USP22: variants seen among roughly 807,000 people sequenced by gnomAD.
The protein encoded by USP22 is ubiquitin specific peptidase 22, also known as ubiquitin carboxyl-terminal hydrolase 22.
In USP22, 22 loss-of-function variants were observed where a neutral mutation model predicts 68.1. The observed-to-expected ratio is 0.32, with a 90% CI of 0.23 to 0.46. The LOEUF (loss-of-function observed/expected upper bound fraction) is 0.46. Ranked by LOEUF, USP22 falls within the 20% of genes least tolerant of loss-of-function variation. The probability of loss-of-function intolerance (pLI) is 1.00; values close to 1 mark genes in which losing one functional copy is unlikely to be tolerated. For missense variants in USP22, 433 were observed against 695.8 expected (o/e 0.62, Z 4.25); for synonymous variants, 279 against 274.2 (o/e 1.02, Z -0.17).
chr17:21,040,393 G>A (rs1453098194), intron 1 of USP22, among the ~76,000 whole-genome samples: 1 of 152,180 alleles, frequency 6.6e-6, no homozygotes, highest in Non-Finnish European at 1.5e-5. Context: ...CCCAGTCAGA[G>A]GAAAAAGCAT....
chr17:21,041,979 C>T (rs1972439234), intron 1 of USP22, among the ~76,000 whole-genome samples: 1 of 152,054 alleles, frequency 6.6e-6, no homozygotes, highest in Non-Finnish European at 1.5e-5. Flanking sequence ...CCCCTGCCGC[C>T]CTCCACCTCC....
intron 1 of USP22, among the ~76,000 whole-genome samples, chr17:21,036,079 A>T (rs922864439): frequency 3.3e-5 from 5 of 151,168 alleles, no homozygotes; most frequent in African/African-American, 1.2e-4. Flanking sequence ...AATCCACTCA[A>T]TGGATACAAT....
At chr17:21,007,656 C>G (rs1913821256) in intron 9 of USP22, among the ~76,000 whole-genome samples, 1 of 152,184 alleles carries the variant, frequency 6.6e-6, no homozygotes, top group Non-Finnish European at 1.5e-5. Context: ...ATTCTACTTT[C>G]ACTGCGAAGC....
At chr17:21,019,928 TTC>T (rs1418654255) in intron 3 of USP22, among the ~76,000 whole-genome samples, 1 of 152,148 alleles carries the variant, frequency 6.6e-6, no homozygotes, top group Non-Finnish European at 1.5e-5. Flanking sequence ...GTTATTAAAT[TTC>T]TGAGAGGGAA....
intron 2 of USP22, among the ~76,000 whole-genome samples, chr17:21,022,933 T>C (rs996327982): frequency 6.6e-6 from 1 of 152,042 alleles, no homozygotes; most frequent in Non-Finnish European, 1.5e-5. Flanking sequence ...TCAACCTAAA[T>C]GCTCACCAAT....
At chr17:21,036,179 GAGATGGAGACGAGACC>G (rs1972353953) in intron 1 of USP22, among the ~76,000 whole-genome samples, 2 of 151,848 alleles carry the variant, frequency 1.3e-5, no homozygotes. Flanking sequence ...AAAAACCTCC[GAGATGGAGACGAGACC>G]AGTGGTTGTG....
chr17:21,018,955 G>A (rs984007), intron 4 of USP22, 129 bp downstream of exon 4: 290,898 of 930,700 alleles, frequency 0.31, 48,416 homozygotes, highest in African/African-American at 0.44. Context: ...TGGTTGCTGA[G>A]CACATTGATG....
At chr17:21,029,195 C>T (rs1413621067) in intron 1 of USP22, among the ~76,000 whole-genome samples, 1 of 152,148 alleles carries the variant, frequency 6.6e-6, no homozygotes, top group Non-Finnish European at 1.5e-5. Context: ...ATGTTAATCA[C>T]GGCAATGATG....
chr17:21,021,060 A>G lies in USP22; in HGVS notation c.418+53T>C. The stretch of plus-strand genomic sequence containing the variant: ...CTTTCTCCTACTGGGTCTGCCCTTG[A>G]TGGACATGAGGGAACTGCAGGATCA... On this transcript the variant is annotated intron_variant, in intron 3 of 12. Coordinates refer to ENST00000261497, the MANE Select transcript of USP22 (RefSeq NM_015276.2). 8.3e-6 allele frequency: 12 copies of G among 1,440,424 alleles called. No individual in the cohort carries two copies. The South Asian group carries it at 1.4e-4, about 17-fold the overall frequency. The allele number at this position is 1,440,424 out of a possible 1,614,324, so 89.2% of individuals were successfully genotyped here. A position where few individuals can be genotyped will look rare whatever the true frequency, so the allele number is the denominator to read the frequency against.
At chr17:21,019,612 G>C (rs2364329) in intron 3 of USP22, among the ~76,000 whole-genome samples, 113,097 of 151,726 alleles carry the variant, frequency 0.75, 42,609 homozygotes, top group South Asian at 0.82. Context: ...ACTCAGCGTC[G>C]AGTTACCAAA....
intron 12 of USP22, among the ~76,000 whole-genome samples, chr17:21,003,293 T>C (rs1913656118): frequency 6.6e-6 from 1 of 152,258 alleles, no homozygotes; most frequent in South Asian, 2.1e-4. Flanking sequence ...CACCCCCACC[T>C]GCCACGAGGT....
intron 5 of USP22, 104 bp downstream of exon 5, chr17:21,017,838 G>T: frequency 1.4e-6 from 2 of 1,395,392 alleles, no homozygotes; most frequent in Non-Finnish European, 9.8e-7. Flanking sequence ...ACTACAAAAG[G>T]TTCTAAATGT....
At chr17:21,036,201 T>C (rs73303698) in intron 1 of USP22, among the ~76,000 whole-genome samples, 35,037 of 150,288 alleles carry the variant, frequency 0.23, 4,756 homozygotes, top group Middle Eastern at 0.32. Flanking sequence ...AGACCAGTGG[T>C]TGTGGAGAGT....
At chr17:21,006,785 G>A (rs1157147872) in intron 10 of USP22, 111 bp downstream of exon 10, 1 of 816,128 alleles carries the variant, frequency 1.2e-6, no homozygotes, top group African/African-American at 1.8e-5. Flanking sequence ...TTACAGGCGG[G>A]AGCCACTGCA....
At chr17:21,019,738 T>G (rs1972130964) in intron 3 of USP22, among the ~76,000 whole-genome samples, 1 of 152,246 alleles carries the variant, frequency 6.6e-6, no homozygotes, top group Non-Finnish European at 1.5e-5. Context: ...TCAGAAGTAC[T>G]TGTTCCATGC....
chr17:21,018,523 TG>T (rs1278500732), intron 4 of USP22, among the ~76,000 whole-genome samples: 1 of 152,108 alleles, frequency 6.6e-6, no homozygotes, highest in Non-Finnish European at 1.5e-5. Context: ...GAGACCAGCC[TG>T]GGCAACATGG....
At chr17:21,028,191 A>G (rs1972245530) in intron 2 of USP22, among the ~76,000 whole-genome samples, 1 of 152,134 alleles carries the variant, frequency 6.6e-6, no homozygotes, top group African/African-American at 2.4e-5. Flanking sequence ...CAGCGACCTC[A>G]TATTGCATGG....
At chr17:21,036,335 G>A (rs940545707) in intron 1 of USP22, among the ~76,000 whole-genome samples, 6 of 152,050 alleles carry the variant, frequency 3.9e-5, no homozygotes, top group Non-Finnish European at 7.4e-5. Context: ...TAATATATGC[G>A]ATTTTAAAAA....
chr17:21,014,882 G>C (rs999447486), intron 6 of USP22, among the ~76,000 whole-genome samples: 1 of 152,240 alleles, frequency 6.6e-6, no homozygotes, highest in African/African-American at 2.4e-5. Flanking sequence ...TATGGCATCT[G>C]AACCAGCGGC....
Sources: allele counts gnomAD v4.1 joint callset (sites outside exome capture counted in the v4.1 genomes callset), GRCh38; gene constraint gnomAD v4.1.1; transcripts MANE v1.5; gene names NCBI Gene and HGNC (gene_info 2026-07-23, HGNC 2026-07-21).